Variants in NALF1 observed in about 807,000 individuals in gnomAD.
NALF1 encodes the protein family with sequence similarity 155 member A.
In NALF1, 3 loss-of-function variants were observed where a neutral mutation model predicts 48.4. The observed-to-expected ratio is 0.06, with a 90% CI of 0.03 to 0.16. The LOEUF (loss-of-function observed/expected upper bound fraction) is 0.16. Ranked by LOEUF, NALF1 falls within the 10% of genes least tolerant of loss-of-function variation. The probability of loss-of-function intolerance (pLI) is 1.00; values close to 1 mark genes in which losing one functional copy is unlikely to be tolerated. For missense variants in NALF1, 526 were observed against 571.5 expected, an observed-to-expected ratio of 0.92 and a Z score of 0.81; for synonymous variants, 262 against 245.7, an observed-to-expected ratio of 1.07 and a Z score of -0.62.
At chr13:107,566,748 A>G (rs1877820764) in intron 1 of NALF1, among the ~76,000 whole-genome samples, 1 of 152,102 alleles carries the variant, frequency 6.6e-6, no homozygotes, top group Admixed American at 6.5e-5. Flanking sequence ...CCGATTTCCA[A>G]TTTCATAGAG....
At chr13:107,730,065 T>C (rs1876267603) in intron 1 of NALF1, among the ~76,000 whole-genome samples, 1 of 152,180 alleles carries the variant, frequency 6.6e-6, no homozygotes, top group African/African-American at 2.4e-5. Flanking sequence ...ATCTCTTCTC[T>C]AAGTCTGCTA....
At chr13:107,308,759 C>A (rs1415658036) in intron 1 of NALF1, among the ~76,000 whole-genome samples, 1 of 152,168 alleles carries the variant, frequency 6.6e-6, no homozygotes, top group African/African-American at 2.4e-5. Context: ...GAAAATCAAT[C>A]CTGAATATGA....
chr13:107,178,323 G>A (rs1248323698), intron 2 of NALF1, among the ~76,000 whole-genome samples: 1 of 152,118 alleles, frequency 6.6e-6, no homozygotes. Flanking sequence ...GGCTTAATAA[G>A]CAGAATACAT....
rs147683671 is a variant in NALF1, at chr13:107,609,122, TC to T, written c.915+256559del. ...TAGCTGGTGCCCCAAAACTTCCACC[TC>T]CCTCCCTGGCCACCTCTAAAATGAT... On this transcript the variant is annotated intron_variant, in intron 1 of 2. Coordinates refer to ENST00000375915, the MANE Select transcript of NALF1 (RefSeq NM_001080396.3). 0.023 allele frequency among the ~76,000 whole-genome samples: 3,487 copies of T among 152,078 alleles called. 248 individuals are homozygous for T. In the East Asian group the frequency reaches 0.28, roughly 12 times the overall value.
At chr13:107,204,959 A>AT (rs199611027) in intron 2 of NALF1, among the ~76,000 whole-genome samples, 6,003 of 149,200 alleles carry the variant, frequency 0.04, 182 homozygotes, top group South Asian at 0.086. Flanking sequence ...CTATAGAGGT[A>AT]TTTTTTTTTT....
In NALF1 at chr13:107,672,825, G is replaced by A. The variant is rs536012968; in HGVS notation, c.915+192857C>T. On this transcript the variant is annotated intron_variant, in intron 1 of 2. Coordinates refer to ENST00000375915, the MANE Select transcript of NALF1 (RefSeq NM_001080396.3). ...TTTTCCAAGGTCACTAGTGACCTGC[G>A]AACTGTGGACTTTGTTGTCCCCAAC... 2.6e-5 allele frequency among the ~76,000 whole-genome samples: 4 copies of A among 152,116 alleles called. No individual in the cohort carries two copies. The East Asian group carries it at 5.8e-4, about 22-fold the overall frequency.
chr13:107,629,910 T>C (rs1480309751), intron 1 of NALF1, among the ~76,000 whole-genome samples: 1 of 152,186 alleles, frequency 6.6e-6, no homozygotes, highest in East Asian at 1.9e-4. Flanking sequence ...TGTTACAGCT[T>C]CTGAACTAGT....
chr13:107,686,389 T>C (rs904532535), intron 1 of NALF1, among the ~76,000 whole-genome samples: 13 of 151,652 alleles, frequency 8.6e-5, no homozygotes, highest in Non-Finnish European at 1.9e-4. Flanking sequence ...TTTATTATTA[T>C]TATTATTATT....
chr13:107,198,307 G>A (rs1191315700), intron 2 of NALF1, among the ~76,000 whole-genome samples: 4 of 152,142 alleles, frequency 2.6e-5, no homozygotes, highest in Admixed American at 2.6e-4. Context: ...AGCACACACA[G>A]CAGCATTGCA....
At position 107,549,834 on chromosome 13, in the gene NALF1, T is replaced by C. The variant is rs114980771; in HGVS notation, c.915+315848A>G. Among the ~76,000 whole-genome samples, 602 of 152,184 alleles carry C rather than the reference T, an allele frequency of 4.0e-3. 2 individuals are homozygous for C. The highest frequency in any genetic ancestry group is 0.014 in the African/African-American group (574 of 41,530). On this transcript the variant is annotated intron_variant, in intron 1 of 2. Transcript: ENST00000375915. Reference sequence around the variant, plus strand: ...CTCAATTTCCCACTAACATTCTTTATGCAACTTTTCATTTTTTTTTTTCTG... The same window carrying C: ...CTCAATTTCCCACTAACATTCTTTACGCAACTTTTCATTTTTTTTTTTCTG...
chr13:107,600,951 C>T (rs912984582), intron 1 of NALF1, among the ~76,000 whole-genome samples: 2 of 152,146 alleles, frequency 1.3e-5, no homozygotes, highest in Non-Finnish European at 2.9e-5. Context: ...AGGGCAATCC[C>T]AGAGGAAGTC....
chr13:107,769,934 A>C (rs939339703), intron 1 of NALF1, among the ~76,000 whole-genome samples: 1 of 151,984 alleles, frequency 6.6e-6, no homozygotes, highest in Non-Finnish European at 1.5e-5. Flanking sequence ...TTTTGTTGAG[A>C]CGGAGTCTCG....
At chr13:107,727,214 A>G (rs1876184106) in intron 1 of NALF1, among the ~76,000 whole-genome samples, 1 of 152,234 alleles carries the variant, frequency 6.6e-6, no homozygotes, top group Non-Finnish European at 1.5e-5. Context: ...TGCCATGAAA[A>G]AAAAATGTGA....
chr13:107,610,070 T>C (rs942852936), intron 1 of NALF1, among the ~76,000 whole-genome samples: 1 of 152,210 alleles, frequency 6.6e-6, no homozygotes, highest in Non-Finnish European at 1.5e-5. Context: ...GCTTCCTGTC[T>C]GCTCTCAGAT....
intron 1 of NALF1, among the ~76,000 whole-genome samples, chr13:107,637,109 T>C (rs1879999194): frequency 1.3e-5 from 2 of 151,890 alleles, no homozygotes; most frequent in African/African-American, 4.8e-5. Flanking sequence ...ATAGCCTAGG[T>C]GTATCATAGA....
intron 1 of NALF1, among the ~76,000 whole-genome samples, chr13:107,516,512 T>C (rs1423757004): frequency 6.6e-6 from 1 of 152,244 alleles, no homozygotes; most frequent in Non-Finnish European, 1.5e-5. Context: ...TCAGCTTTAT[T>C]AATGTATGCT....
At chr13:107,807,178 T>C (rs961788247) in intron 1 of NALF1, among the ~76,000 whole-genome samples, 8 of 152,200 alleles carry the variant, frequency 5.3e-5, no homozygotes, top group African/African-American at 1.9e-4. Context: ...TATATTGATA[T>C]GAAAATGTGT....
chr13:107,774,238 G>C (rs1877661201), intron 1 of NALF1, among the ~76,000 whole-genome samples: 1 of 152,118 alleles, frequency 6.6e-6, no homozygotes, highest in Admixed American at 6.5e-5. Flanking sequence ...GTGTTACAGA[G>C]CTCCAATTCT....
chr13:107,797,809 A>G lies in NALF1; in HGVS notation c.915+67873T>C, dbSNP rs189910319. On this transcript the variant is annotated intron_variant, in intron 1 of 2. Coordinates refer to ENST00000375915, the MANE Select transcript of NALF1 (RefSeq NM_001080396.3). ...GTAAAAAAAAAAATTTTATCAATCC[A>G]AAGAATCAATCTTATATTTGAATAA... is the stretch of plus-strand genomic sequence containing the variant. Among the ~76,000 whole-genome samples the G allele has an allele frequency of 1.4e-4, 22 of 152,314 alleles. No individual in the cohort carries two copies. In the East Asian group the frequency reaches 4.1e-3, roughly 28 times the overall value.
Sources: allele counts gnomAD v4.1 joint callset (sites outside exome capture counted in the v4.1 genomes callset), GRCh38; gene constraint gnomAD v4.1.1; transcripts MANE v1.5; gene names NCBI Gene and HGNC (gene_info 2026-07-23, HGNC 2026-07-21).